Variants in ASAH2 observed in about 807,000 individuals in gnomAD.
The protein encoded by ASAH2 is neutral ceramidase.
In ASAH2, 58 loss-of-function variants were observed where a neutral mutation model predicts 82.9. That is an observed-to-expected ratio of 0.70 (90% confidence interval 0.57 to 0.87). ASAH2 has a LOEUF of 0.87. Ranked by LOEUF, ASAH2 falls within the 40% of genes least tolerant of loss-of-function variation. The pLI is 0.00. For missense variants in ASAH2, 779 were observed against 834.0 expected (o/e 0.93, Z 0.81); for synonymous variants, 276 against 289.7 (o/e 0.95, Z 0.48).
intron 7 of ASAH2, among the ~76,000 whole-genome samples, chr10:50,219,061 G>T (rs901179702): frequency 2.0e-5 from 3 of 152,136 alleles, no homozygotes; most frequent in Non-Finnish European, 2.9e-5. Context: ...TCTCACCAAA[G>T]ACACAGATGT....
intron 7 of ASAH2, 150 bp downstream of exon 7, chr10:50,233,034 G>A (rs1335576015): frequency 1.1e-5 from 8 of 724,488 alleles, no homozygotes; most frequent in African/African-American, 1.8e-5. Context: ...GCCCTTGGCT[G>A]GACCCCAGTT....
intron 6 of ASAH2, 95 bp downstream of exon 6, chr10:50,234,330 C>T: frequency 6.5e-7 from 1 of 1,545,678 alleles, no homozygotes; most frequent in Non-Finnish European, 8.9e-7. Context: ...CTCTTGGGAC[C>T]TCACCATATT....
chr10:50,220,241 G>A (rs962648049), intron 7 of ASAH2, among the ~76,000 whole-genome samples: 1 of 152,110 alleles, frequency 6.6e-6, no homozygotes, highest in South Asian at 2.1e-4. Flanking sequence ...AATGATTGGG[G>A]TTACATATTT....
chr10:50,217,831 C>T (rs2133212234), intron 8 of ASAH2, among the ~76,000 whole-genome samples: 1 of 152,226 alleles, frequency 6.6e-6, no homozygotes, highest in South Asian at 2.1e-4. Flanking sequence ...ATTATATAGT[C>T]TTCCAAATTT....
chr10:50,218,795 C>CA (rs1401170269), intron 7 of ASAH2, among the ~76,000 whole-genome samples, 165 bp from the exon 8 acceptor site: 6 of 152,164 alleles, frequency 3.9e-5, no homozygotes, highest in African/African-American at 1.4e-4. Context: ...AAATACAATG[C>CA]AAAAAATGTA....
At position 50,201,722 on chromosome 10, in the gene ASAH2, T is replaced by C. The variant is rs889157195; in HGVS notation, c.1761+1107A>G. Among the ~76,000 whole-genome samples the C allele has an allele frequency of 4.2e-3, 639 of 152,188 alleles. 6 individuals carry two copies. The highest frequency in any genetic ancestry group is 6.6e-3 in the Non-Finnish European group (450 of 67,982). On this transcript the variant is annotated intron_variant, in intron 16 of 20. Coordinates refer to ENST00000682911, the MANE Select transcript of ASAH2 (RefSeq NM_019893.4). ...TTCTAAAGGTGTAAAATAAAATACA[T>C]GGAATTGACAAAGGAAACCAGTTAG... is the stretch of plus-strand genomic sequence containing the variant.
At position 50,197,351 on chromosome 10, in the gene ASAH2, C is replaced by T. The variant is rs1554903655; in HGVS notation, c.1858-432G>A. Among the ~76,000 whole-genome samples, 5 of 151,258 alleles carry T rather than the reference C, an allele frequency of 3.3e-5. No individual in the cohort carries two copies. The Middle Eastern group carries it at 0.014, about 412-fold the overall frequency. ...ACCAAGTTTTTTCCTAGATTCTTGT[C>T]TGTGCTAATAAAAGAATATAATAAA... On this transcript the variant is annotated intron_variant, in intron 17 of 20. Coordinates refer to ENST00000682911, the MANE Select transcript of ASAH2 (RefSeq NM_019893.4).
At chr10:50,205,956 T>A (rs961671282) in intron 13 of ASAH2, 26 bp downstream of exon 13, 1 of 1,530,640 alleles carries the variant, frequency 6.5e-7, no homozygotes, top group Non-Finnish European at 9.1e-7. Context: ...TATGCTAATT[T>A]CACTATGATA....
intron 7 of ASAH2, among the ~76,000 whole-genome samples, chr10:50,221,627 TTGTATGTGTG>T (rs1463473395): frequency 6.9e-6 from 1 of 144,682 alleles, no homozygotes; most frequent in Non-Finnish European, 1.5e-5. Flanking sequence ...TGAATTCAGG[TTGTATGTGTG>T]TGTGTGTGTG....
intron 14 of ASAH2, among the ~76,000 whole-genome samples, chr10:50,204,012 A>T (rs1402183327): frequency 6.6e-6 from 1 of 152,028 alleles, no homozygotes; most frequent in African/African-American, 2.4e-5. Flanking sequence ...TAGGTAGAAA[A>T]TACATTACTG....
At chr10:50,246,676 G>A (rs1488156954) in intron 2 of ASAH2, among the ~76,000 whole-genome samples, 1 of 152,150 alleles carries the variant, frequency 6.6e-6, no homozygotes, top group East Asian at 1.9e-4. Context: ...GATGAATCTG[G>A]TATGCAATCC....
intron 7 of ASAH2, among the ~76,000 whole-genome samples, chr10:50,219,834 A>G (rs968800423): frequency 3.2e-4 from 48 of 152,332 alleles, no homozygotes; most frequent in Non-Finnish European, 6.6e-4. Flanking sequence ...AGTTGGTACA[A>G]TAGGGACTGG....
chr10:50,239,584 A>G (rs1846241755), intron 4 of ASAH2, among the ~76,000 whole-genome samples: 2 of 152,274 alleles, frequency 1.3e-5, no homozygotes, highest in South Asian at 4.1e-4. Context: ...ACACCAAAAC[A>G]CTTAAGTTTG....
chr10:50,187,118 T>TCTCTCACA lies in ASAH2; in HGVS notation c.*196_*197insTGTGAGAG, dbSNP rs1370881909. 2.6e-4 allele frequency: 41 copies of TCTCTCACA among 157,416 alleles called. No individual in the cohort carries two copies. Among genetic ancestry groups the TCTCTCACA allele is most frequent in the African/African-American group, 9.2e-4 (17 of 18,536 alleles). The allele number at this position is 157,416 out of a possible 1,614,324, so 9.8% of individuals were successfully genotyped here. On this transcript the variant is annotated 3_prime_UTR_variant, in exon 21 of 21. Transcript: ENST00000682911. ...CTCTCTCTCTCTCTCTCTCTCTCTC[T>TCTCTCACA]CACACACACACACACACACACACAC...
At chr10:50,233,077 C>T (rs1846058284) in intron 7 of ASAH2, 107 bp downstream of exon 7, 1 of 948,968 alleles carries the variant, frequency 1.1e-6, no homozygotes, top group African/African-American at 1.6e-5. Context: ...CTCTTAACCA[C>T]ACAACTTATT....
At chr10:50,214,949 C>A in intron 8 of ASAH2, 81 bp from the exon 9 acceptor site, 1 of 1,547,874 alleles carries the variant, frequency 6.5e-7, no homozygotes, top group Non-Finnish European at 8.8e-7. Flanking sequence ...AACATTAAAT[C>A]CACTCTGGCA....
chr10:50,229,915 A>G (rs1362372550), intron 7 of ASAH2, among the ~76,000 whole-genome samples: 1 of 152,174 alleles, frequency 6.6e-6, no homozygotes, highest in Non-Finnish European at 1.5e-5. Flanking sequence ...CATGTATTGT[A>G]TGCCTATCTG....
chr10:50,248,689 G>A (rs1363888852), intron 1 of ASAH2, 43 bp from the exon 2 acceptor site: 60 of 1,435,604 alleles, frequency 4.2e-5, no homozygotes, highest in East Asian at 7.3e-5. Flanking sequence ...AATGCTTTAA[G>A]CCAACCGAGG....
chr10:50,214,424 A>G (rs552123678), intron 9 of ASAH2, among the ~76,000 whole-genome samples: 8 of 152,312 alleles, frequency 5.3e-5, no homozygotes, highest in African/African-American at 1.7e-4. Flanking sequence ...AATTTTTACT[A>G]CAAACTTGTG....
Sources: gnomAD v4.1 joint callset for allele counts (sites outside exome capture counted in the v4.1 genomes callset) on GRCh38, gnomAD v4.1.1 for gene constraint, MANE v1.5 for transcripts, NCBI Gene and HGNC (gene_info 2026-07-23, HGNC 2026-07-21) for gene names.